OTUD7A: variants seen among roughly 807,000 people sequenced by gnomAD.
The protein encoded by OTUD7A is OTU domain-containing protein 7A.
In OTUD7A, 12 loss-of-function variants were observed where a neutral mutation model predicts 65.7. The observed-to-expected ratio is 0.18, with a 90% CI of 0.12 to 0.30. OTUD7A has a LOEUF of 0.30. OTUD7A is among the 10% of genes least tolerant of loss of function. OTUD7A has a pLI of 1.00. For missense variants in OTUD7A, 1,148 were observed against 1,304.8 expected (o/e 0.88, Z 1.85); for synonymous variants, 641 against 586.3 (o/e 1.09, Z -1.35).
At chr15:31,799,172 G>A (rs757165120) in intron 1 of OTUD7A, among the ~76,000 whole-genome samples, 4 of 152,202 alleles carry the variant, frequency 2.6e-5, no homozygotes, top group East Asian at 1.9e-4. Context: ...GCAAAGACAC[G>A]GGAGAGGAGG....
chr15:31,511,098 GTATATCTATATGTAACATACA>G (rs2041717350), intron 8 of OTUD7A, among the ~76,000 whole-genome samples: 2 of 26,864 alleles, frequency 7.4e-5, no homozygotes, highest in Admixed American at 4.9e-4. Flanking sequence ...ACATACATAT[GTATATCTATATGTAACATACA>G]TATGTATATC....
intron 1 of OTUD7A, among the ~76,000 whole-genome samples, chr15:31,795,735 G>A (rs1895934526): frequency 6.6e-6 from 1 of 152,210 alleles, no homozygotes; most frequent in African/African-American, 2.4e-5. Context: ...TAGGAGCACA[G>A]CACCTGAGAC....
At chr15:31,739,258 A>G (rs947855214) in intron 1 of OTUD7A, among the ~76,000 whole-genome samples, 1 of 152,064 alleles carries the variant, frequency 6.6e-6, no homozygotes, top group Non-Finnish European at 1.5e-5. Context: ...TAATGAATGC[A>G]ATTTGAGGTT....
At chr15:31,569,888 G>C in intron 4 of OTUD7A, 130 bp downstream of exon 4, 1 of 901,706 alleles carries the variant, frequency 1.1e-6, no homozygotes, top group Non-Finnish European at 1.7e-6. Flanking sequence ...GAGAAAGAAG[G>C]CACTGAGAGG....
At chr15:31,690,748 A>T (rs977214556) in intron 1 of OTUD7A, among the ~76,000 whole-genome samples, 3 of 152,190 alleles carry the variant, frequency 2.0e-5, no homozygotes, top group Non-Finnish European at 4.4e-5. Context: ...ATGAAGTTAG[A>T]CTCTTACCTA....
At chr15:31,845,964 C>T (rs1897285235) in intron 1 of OTUD7A, among the ~76,000 whole-genome samples, 1 of 152,212 alleles carries the variant, frequency 6.6e-6, no homozygotes, top group Admixed American at 6.5e-5. Flanking sequence ...AGGATGGCGG[C>T]CCCACAGTGT....
chr15:31,678,910 A>G (rs1207640102), intron 1 of OTUD7A, among the ~76,000 whole-genome samples: 1 of 152,206 alleles, frequency 6.6e-6, no homozygotes, highest in African/African-American at 2.4e-5. Flanking sequence ...TGTACTGTGC[A>G]CCTAGAAAAG....
At chr15:31,703,419 A>G (rs1893258416) in intron 1 of OTUD7A, among the ~76,000 whole-genome samples, 2 of 152,018 alleles carry the variant, frequency 1.3e-5, no homozygotes, top group South Asian at 4.2e-4. Flanking sequence ...CAAAAAAACC[A>G]CAAAGAGACA....
intron 10 of OTUD7A, among the ~76,000 whole-genome samples, chr15:31,491,875 GAAA>G (rs904849805): frequency 7.0e-6 from 1 of 143,672 alleles, no homozygotes; most frequent in African/African-American, 2.5e-5. Flanking sequence ...AGTGCTGAAA[GAAA>G]AAAAAAAACT....
chr15:31,817,137 G>T (rs897030852), intron 1 of OTUD7A, among the ~76,000 whole-genome samples: 1 of 151,946 alleles, frequency 6.6e-6, no homozygotes, highest in Non-Finnish European at 1.5e-5. Flanking sequence ...GTTTCCCTGG[G>T]TCCTCTGCTT....
chr15:31,493,314 G>A (rs1289233949), intron 10 of OTUD7A, among the ~76,000 whole-genome samples: 2 of 152,170 alleles, frequency 1.3e-5, no homozygotes, highest in Non-Finnish European at 1.5e-5. Flanking sequence ...TAATGCTAAA[G>A]GGGTCAATTT....
At chr15:31,582,141 A>G (rs1889391518) in intron 3 of OTUD7A, among the ~76,000 whole-genome samples, 1 of 152,214 alleles carries the variant, frequency 6.6e-6, no homozygotes, top group Non-Finnish European at 1.5e-5. Context: ...GCAAAAAGCT[A>G]CCAGTCTCTG....
chr15:31,655,045 A>C, intron 3 of OTUD7A, 51 bp downstream of exon 3: 12 of 1,581,542 alleles, frequency 7.6e-6, no homozygotes, highest in Non-Finnish European at 1.0e-5. Context: ...TCTTATTTGG[A>C]AGGTGGTTAT....
At chr15:31,503,046 C>G (rs906893579) in intron 9 of OTUD7A, among the ~76,000 whole-genome samples, 2 of 152,226 alleles carry the variant, frequency 1.3e-5, no homozygotes, top group African/African-American at 4.8e-5. Flanking sequence ...ACTCCCTGCC[C>G]TTGGCTGATC....
intron 1 of OTUD7A, among the ~76,000 whole-genome samples, chr15:31,748,447 A>G (rs1211209778): frequency 6.6e-6 from 1 of 151,416 alleles, no homozygotes; most frequent in Non-Finnish European, 1.5e-5. Context: ...ATAAAATATG[A>G]CATACCATAT....
chr15:31,594,684 G>A (rs566472453), intron 3 of OTUD7A, among the ~76,000 whole-genome samples: 3 of 152,346 alleles, frequency 2.0e-5, no homozygotes, highest in Non-Finnish European at 4.4e-5. Context: ...GGATCTCTAT[G>A]TCTACAAAAT....
At chr15:31,860,622 G>GATAAATATATATAT (rs59869625) in intron 1 of OTUD7A, among the ~76,000 whole-genome samples, 908 of 26,842 alleles carry the variant, frequency 0.034, 61 homozygotes, top group African/African-American at 0.072. Context: ...CAGAAGTGGA[G>GATAAATATATATAT]ATATATATAT....
intron 3 of OTUD7A, among the ~76,000 whole-genome samples, chr15:31,595,039 A>G (rs1377627785): frequency 6.6e-6 from 1 of 152,220 alleles, no homozygotes; most frequent in Non-Finnish European, 1.5e-5. Flanking sequence ...TTCCCTAATA[A>G]GATGACTTCA....
At chr15:31,497,280 C>G (rs2041400492) in intron 10 of OTUD7A, among the ~76,000 whole-genome samples, 2 of 151,268 alleles carry the variant, frequency 1.3e-5, no homozygotes, top group Non-Finnish European at 2.9e-5. Flanking sequence ...GATGAAGTCT[C>G]ACTCTGTCAT....
Sources: allele counts gnomAD v4.1 joint callset (sites outside exome capture counted in the v4.1 genomes callset), GRCh38; gene constraint gnomAD v4.1.1; transcripts MANE v1.5; gene names NCBI Gene and HGNC (gene_info 2026-07-23, HGNC 2026-07-21).